The following MCTP1 variants were observed in gnomAD, a reference collection of about 807,000 sequenced individuals.
The protein encoded by MCTP1 is multiple C2 and transmembrane domain containing 1.
Under a neutral mutation model 120.6 loss-of-function variants are expected in MCTP1, and 69 were observed. That is an observed-to-expected ratio of 0.57 (90% CI 0.47 to 0.70). The LOEUF (loss-of-function observed/expected upper bound fraction) is 0.70, where lower values mean the gene tolerates loss of function less well. Ranked by LOEUF, MCTP1 falls within the 30% of genes least tolerant of loss-of-function variation. The pLI is 0.00. For synonymous variants in MCTP1, 529 were observed against 493.1 expected (o/e 1.07, Z -0.96); for missense variants, 1,203 against 1,248.8 (o/e 0.96, Z 0.55).
chr5:94,796,555 A>ATGTG (rs113524744), intron 18 of MCTP1, among the ~76,000 whole-genome samples: 1,919 of 140,082 alleles, frequency 0.014, 33 homozygotes, highest in African/African-American at 0.049. Context: ...ATTCGTATAT[A>ATGTG]TGTGTGTGTG....
At chr5:94,775,958 A>G (rs1029993917) in intron 19 of MCTP1, among the ~76,000 whole-genome samples, 3 of 143,444 alleles carry the variant, frequency 2.1e-5, no homozygotes, top group Non-Finnish European at 3.0e-5. Context: ...ATAGAAATAT[A>G]TTTATATTAT....
intron 1 of MCTP1, among the ~76,000 whole-genome samples, chr5:95,057,631 C>A (rs1000781973): frequency 6.6e-6 from 1 of 152,162 alleles, no homozygotes; most frequent in African/African-American, 2.4e-5. Flanking sequence ...AAATAGCTTC[C>A]AAACTTCCTG....
intron 3 of MCTP1, among the ~76,000 whole-genome samples, chr5:94,950,613 A>T (rs1412749007): frequency 1.3e-5 from 2 of 152,138 alleles, no homozygotes; most frequent in African/African-American, 2.4e-5. Flanking sequence ...ATATACATAC[A>T]TACATGTATA....
At chr5:94,722,915 C>T (rs1382031269) in intron 19 of MCTP1, among the ~76,000 whole-genome samples, 1 of 152,150 alleles carries the variant, frequency 6.6e-6, no homozygotes, top group Non-Finnish European at 1.5e-5. Flanking sequence ...CTCTAGTTCA[C>T]TTAGTCAGGT....
At chr5:94,743,977 T>C (rs1268696583) in intron 19 of MCTP1, among the ~76,000 whole-genome samples, 5 of 151,796 alleles carry the variant, frequency 3.3e-5, no homozygotes, top group African/African-American at 9.7e-5. Context: ...TGATTTTTCT[T>C]GTTCTTTTTC....
At chr5:95,032,069 T>C (rs2151767841) in intron 1 of MCTP1, among the ~76,000 whole-genome samples, 1 of 152,192 alleles carries the variant, frequency 6.6e-6, no homozygotes, top group East Asian at 1.9e-4. Context: ...GCACTCAATG[T>C]TGGAGCACCC....
Position 94,993,617 on chromosome 5 carries a change from A to G in MCTP1, c.838+23750T>C, listed in dbSNP as rs114729605. Among the ~76,000 whole-genome samples, 1,047 of 152,240 alleles carry G rather than the reference A, an allele frequency of 6.9e-3. 13 individuals carry two copies. Among genetic ancestry groups the G allele is most frequent in the Non-Finnish European group, 0.011 (762 of 68,010 alleles). The stretch of plus-strand genomic sequence containing the variant: ...GCAACAGCTTTTACAGAAACTCTAA[A>G]TGGCATAGTTTTGGGGCTCCTCTCC... On this transcript the variant is annotated intron_variant, in intron 2 of 22. Transcript: ENST00000515393.
At chr5:94,785,882 A>G (rs1777566858) in intron 18 of MCTP1, among the ~76,000 whole-genome samples, 1 of 152,142 alleles carries the variant, frequency 6.6e-6, no homozygotes, top group Non-Finnish European at 1.5e-5. Flanking sequence ...CTCCAACCCC[A>G]TCAATAATTT....
At chr5:94,934,093 C>T (rs1815510241) in intron 5 of MCTP1, among the ~76,000 whole-genome samples, 1 of 151,724 alleles carries the variant, frequency 6.6e-6, no homozygotes, top group South Asian at 2.1e-4. Context: ...AAATCTACTA[C>T]CAAAGCAATG....
intron 17 of MCTP1, among the ~76,000 whole-genome samples, chr5:94,841,645 G>A (rs1252451226): frequency 6.6e-6 from 1 of 152,054 alleles, no homozygotes; most frequent in African/African-American, 2.4e-5. Flanking sequence ...TACATATATA[G>A]ATACATTTTT....
At chr5:94,965,767 C>T (rs13170123) in intron 2 of MCTP1, among the ~76,000 whole-genome samples, 56,656 of 152,002 alleles carry the variant, frequency 0.37, 10,755 homozygotes, top group Middle Eastern at 0.44. Context: ...GGCAGTGATT[C>T]GGAAGTGATT....
chr5:94,705,265 G>T lies in MCTP1; in HGVS notation c.*2231C>A, dbSNP rs1452260523. The stretch of plus-strand genomic sequence containing the variant: ...TTTAACTATACATATTCTGTTTTCA[G>T]CCTGTGAATGTAGTAGTTTCTAAAA... On this transcript the variant is annotated 3_prime_UTR_variant, in exon 23 of 23. Coordinates refer to ENST00000515393, the MANE Select transcript of MCTP1 (RefSeq NM_024717.7). The T allele has an allele frequency of 6.6e-6, 1 of 151,430 alleles. No homozygotes were observed. The highest frequency in any genetic ancestry group is 2.0e-4 in the East Asian group (1 of 5,128). 9.4% of individuals were successfully genotyped at this position (151,430 alleles called of 1,614,324 possible).
intron 1 of MCTP1, among the ~76,000 whole-genome samples, chr5:95,028,217 G>A (rs978006462): frequency 2.0e-5 from 3 of 152,110 alleles, no homozygotes; most frequent in Non-Finnish European, 4.4e-5. Flanking sequence ...ATAATGATAC[G>A]GTAGAAACAG....
intron 5 of MCTP1, among the ~76,000 whole-genome samples, chr5:94,932,769 T>C (rs1369957177): frequency 1.3e-5 from 2 of 152,004 alleles, no homozygotes; most frequent in African/African-American, 4.8e-5. Flanking sequence ...GCTTTACTAT[T>C]ATGTTTAAGG....
intron 6 of MCTP1, among the ~76,000 whole-genome samples, chr5:94,927,418 T>C (rs1326676024): frequency 2.0e-5 from 3 of 152,186 alleles, no homozygotes; most frequent in African/African-American, 7.2e-5. Flanking sequence ...AATAATTTTA[T>C]GTTTACTTCA....
chr5:95,192,845 C>G (rs1206151082), intron 1 of MCTP1, among the ~76,000 whole-genome samples: 1 of 152,056 alleles, frequency 6.6e-6, no homozygotes, highest in Non-Finnish European at 1.5e-5. Context: ...GTGACATTTC[C>G]TTCCTATTTT....
rs1017772203 is a variant in MCTP1, at chr5:94,931,972, C to T, written c.1193G>A (p.Ser398Asn). 1 of 1,604,626 alleles carries T rather than the reference C, an allele frequency of 6.2e-7. No individual in the cohort carries two copies. Among genetic ancestry groups the T allele is most frequent in the African/African-American group, 1.3e-5 (1 of 74,650 alleles). ...SRDVTMLMRK[S>N]WKRSSKELSE... is the part of the protein sequence containing the mutation. ...AATTACCTTACTTGATCTTTTCCAA[C>T]TCTTCCTCATTAGCATTGTCTGTAA... Residue 398 changes from serine (S) to asparagine (N), a missense_variant, in exon 6 of 23, where the codon AGT (serine) becomes AAT (asparagine). By Grantham distance (46) the Ser-to-Asn change is conservative. This residue lies in a region of MCTP1 where 740 missense variants were observed against 871.1 expected (regional missense o/e 0.85). Coordinates refer to ENST00000515393, the MANE Select transcript of MCTP1 (RefSeq NM_024717.7).
chr5:94,866,643 A>G (rs964033497), intron 17 of MCTP1, among the ~76,000 whole-genome samples: 1 of 150,236 alleles, frequency 6.7e-6, no homozygotes, highest in African/African-American at 2.5e-5. Context: ...CTATTATTAC[A>G]TTTCTTCTCC....
At chr5:94,801,169 G>A (rs1226460797) in intron 17 of MCTP1, among the ~76,000 whole-genome samples, 1 of 152,098 alleles carries the variant, frequency 6.6e-6, no homozygotes, top group Non-Finnish European at 1.5e-5. Flanking sequence ...TAGAATATAA[G>A]CTCCTTTAAA....
Sources: allele counts gnomAD v4.1 joint callset (sites outside exome capture counted in the v4.1 genomes callset), GRCh38; gene constraint gnomAD v4.1.1; regional missense constraint gnomAD v4.1.1; transcripts MANE v1.5; gene names NCBI Gene and HGNC (gene_info 2026-07-23, HGNC 2026-07-21).